PRKAR1B: variants seen among roughly 807,000 people sequenced by gnomAD.
The protein encoded by PRKAR1B is cAMP-dependent protein kinase type I-beta regulatory subunit.
In PRKAR1B, 22 loss-of-function variants were observed where a neutral mutation model predicts 46.5. The observed-to-expected ratio is 0.47, with a 90% CI of 0.34 to 0.68. The LOEUF is 0.68. Ranked by LOEUF, PRKAR1B falls within the 30% of genes least tolerant of loss-of-function variation. PRKAR1B has a pLI of 0.01. For missense variants in PRKAR1B, 445 were observed against 535.6 expected (o/e 0.83, Z 1.67); for synonymous variants, 259 against 217.7 (o/e 1.19, Z -1.67).
chr7:632,369 C>G (rs1203507505), intron 4 of PRKAR1B, among the ~76,000 whole-genome samples: 2 of 152,150 alleles, frequency 1.3e-5, no homozygotes, highest in Non-Finnish European at 2.9e-5. Flanking sequence ...CGAGACGAAT[C>G]CTCCTGCTGC....
At chr7:693,894 C>A (rs571838640) in intron 2 of PRKAR1B, among the ~76,000 whole-genome samples, 58 of 152,308 alleles carry the variant, frequency 3.8e-4, no homozygotes, top group Middle Eastern at 3.4e-3. Context: ...GTCCCCCACA[C>A]CCCCACAACA....
At chr7:594,932 C>T (rs1188607579) in intron 7 of PRKAR1B, among the ~76,000 whole-genome samples, 2 of 152,210 alleles carry the variant, frequency 1.3e-5, no homozygotes, top group Non-Finnish European at 2.9e-5. Flanking sequence ...GACACTGTGG[C>T]AGACCCAGAG....
At chr7:563,261 G>C (rs983018489) in intron 9 of PRKAR1B, among the ~76,000 whole-genome samples, 1 of 152,230 alleles carries the variant, frequency 6.6e-6, no homozygotes, top group African/African-American at 2.4e-5. Context: ...TGCCAGGTCA[G>C]GCTGCAAGTC....
At chr7:636,621 C>T (rs1784122917) in intron 4 of PRKAR1B, among the ~76,000 whole-genome samples, 1 of 152,228 alleles carries the variant, frequency 6.6e-6, no homozygotes, top group South Asian at 2.1e-4. Context: ...TGCTGGAACA[C>T]AGTGACCCCA....
At chr7:649,529 T>C (rs970917089) in intron 4 of PRKAR1B, among the ~76,000 whole-genome samples, 1 of 152,166 alleles carries the variant, frequency 6.6e-6, no homozygotes, top group Non-Finnish European at 1.5e-5. Context: ...ATTTAGTGTG[T>C]TTTATATTTA....
At chr7:588,681 A>G (rs201421589) in intron 7 of PRKAR1B, among the ~76,000 whole-genome samples, 1,380 of 19,416 alleles carry the variant, frequency 0.071, 9 homozygotes, top group Middle Eastern at 0.23. Context: ...GGTGATGACG[A>G]TGATGGTGAT....
At chr7:625,558 A>C (rs1371239771) in intron 4 of PRKAR1B, among the ~76,000 whole-genome samples, 3 of 151,398 alleles carry the variant, frequency 2.0e-5, no homozygotes, top group South Asian at 2.1e-4. Context: ...CAAGGGGCAT[A>C]ACTACAGGTC....
At chr7:605,286 CT>C (rs1251957282) in intron 6 of PRKAR1B, among the ~76,000 whole-genome samples, 1 of 152,226 alleles carries the variant, frequency 6.6e-6, no homozygotes, top group Non-Finnish European at 1.5e-5. Flanking sequence ...AAACAAACTC[CT>C]AGCGGGCGTT....
chr7:650,777 G>A (rs771616624), intron 4 of PRKAR1B, among the ~76,000 whole-genome samples: 22 of 152,114 alleles, frequency 1.4e-4, no homozygotes, highest in South Asian at 8.3e-4. Context: ...GCTCAGAGAC[G>A]TCACGTCATT....
chr7:610,836 G>T (rs1026095738), intron 4 of PRKAR1B, among the ~76,000 whole-genome samples: 1 of 152,220 alleles, frequency 6.6e-6, no homozygotes, highest in African/African-American at 2.4e-5. Flanking sequence ...GAAGCTGCTG[G>T]CTCAGATTTT....
At position 680,635 on chromosome 7, in the gene PRKAR1B, A is replaced by G. The variant is rs1778620051; in HGVS notation, c.269T>C (p.Val90Ala). Reference protein sequence around the residue: ...EEVSPTPPNPVVKARRRRGGV... With the variant: ...EEVSPTPPNPAVKARRRRGGV... Reference sequence around the variant, plus strand: ...TCCTCGCCGGCGGCGGGCCTTCACCACAGGGTTCGGGGGGGTGGGCGACAC... The same window carrying G: ...TCCTCGCCGGCGGCGGGCCTTCACCGCAGGGTTCGGGGGGGTGGGCGACAC... The change falls in exon 3 of 11, where the codon GTG (valine) becomes GCG (alanine). Residue 90 changes from valine to alanine, a missense_variant. By Grantham distance (64) the Val-to-Ala change is moderately conservative. This residue lies in a region of PRKAR1B where 155 missense variants were observed against 127.5 expected (regional missense o/e 1.22). Coordinates refer to ENST00000537384, the MANE Select transcript of PRKAR1B (RefSeq NM_001164760.2). 3 of 1,591,086 alleles carry G rather than the reference A, an allele frequency of 1.9e-6. No individual in the cohort carries two copies. Among genetic ancestry groups the G allele is most frequent in the Non-Finnish European group, 2.6e-6 (3 of 1,161,738 alleles).
intron 9 of PRKAR1B, among the ~76,000 whole-genome samples, chr7:576,737 C>T (rs974059230): frequency 1.3e-5 from 2 of 151,804 alleles, no homozygotes; most frequent in Admixed American, 6.6e-5. Context: ...TGCTCTACCC[C>T]AGCCTTCCAG....
intron 7 of PRKAR1B, among the ~76,000 whole-genome samples, chr7:594,753 C>CA (rs1215345083): frequency 2.0e-5 from 3 of 151,634 alleles, no homozygotes; most frequent in African/African-American, 7.3e-5. Context: ...ACCCCTAGAC[C>CA]ATGAGGGGAC....
intron 10 of PRKAR1B, 47 bp downstream of exon 10, chr7:551,342 T>A: frequency 6.7e-7 from 1 of 1,498,652 alleles, no homozygotes; most frequent in Non-Finnish European, 9.1e-7. Flanking sequence ...AGACCCCAAA[T>A]GAGATGGCCA....
chr7:553,138 G>A (rs750864288), intron 9 of PRKAR1B, among the ~76,000 whole-genome samples: 48 of 152,286 alleles, frequency 3.2e-4, no homozygotes, highest in Non-Finnish European at 1.6e-4. Flanking sequence ...CGGGGCTGCC[G>A]TGTCACTGTC....
intron 2 of PRKAR1B, among the ~76,000 whole-genome samples, chr7:702,213 A>G (rs1054528307): frequency 3.3e-5 from 5 of 152,148 alleles, no homozygotes; most frequent in Non-Finnish European, 7.3e-5. Context: ...TATAATGCCT[A>G]TAGCAATCAC....
chr7:583,414 CCACGCACA>C (rs754711147), intron 8 of PRKAR1B, among the ~76,000 whole-genome samples: 40 of 143,328 alleles, frequency 2.8e-4, no homozygotes, highest in Non-Finnish European at 3.4e-4. Context: ...GTGTGCACAC[CCACGCACA>C]CACGCACACA....
Position 602,135 on chromosome 7 carries a change from A to T in PRKAR1B, c.549+4058T>A, listed in dbSNP as rs921868567. Among the ~76,000 whole-genome samples, 11 of 151,736 alleles carry T rather than the reference A, an allele frequency of 7.2e-5. No homozygotes were observed. The highest frequency in any genetic ancestry group is 2.7e-4 in the African/African-American group (11 of 41,276). On this transcript the variant is annotated intron_variant, in intron 6 of 10. Coordinates refer to ENST00000537384, the MANE Select transcript of PRKAR1B (RefSeq NM_001164760.2). This position sits in a 1 kb window ranked among gnomAD's most constrained non-coding sequence, Gnocchi z 6.4. ...CCCCTCCACTCAGGCTTCAGCCCCGACCCCACGCTAACTGGGCCAGGGCAG... is the reference window on the plus strand; with the variant it reads ...CCCCTCCACTCAGGCTTCAGCCCCGTCCCCACGCTAACTGGGCCAGGGCAG...
At chr7:618,446 C>G (rs555585048) in intron 4 of PRKAR1B, among the ~76,000 whole-genome samples, 1 of 152,294 alleles carries the variant, frequency 6.6e-6, no homozygotes, top group South Asian at 2.1e-4. Flanking sequence ...GAGGTCTCCC[C>G]TCTCGTTTGT....
Sources: gnomAD v4.1 joint callset for allele counts (sites outside exome capture counted in the v4.1 genomes callset) on GRCh38, gnomAD v4.1.1 for gene constraint, gnomAD v4.1.1 regional missense constraint, Gnocchi (gnomAD v3.1) non-coding constraint, MANE v1.5 for transcripts, NCBI Gene and HGNC (gene_info 2026-07-23, HGNC 2026-07-21) for gene names.